CCSER1: variants seen among roughly 807,000 people sequenced by gnomAD.
CCSER1 encodes coiled-coil serine rich protein 1, also known as serine-rich coiled-coil domain-containing protein 1.
In CCSER1, 41 loss-of-function variants were observed where a neutral mutation model predicts 82.0. The observed-to-expected ratio is 0.50, with a 90% CI of 0.39 to 0.65. CCSER1 has a LOEUF of 0.65. CCSER1 is among the 30% of genes least tolerant of loss of function. The pLI is 0.00. For synonymous variants in CCSER1, 414 were observed against 383.9 expected, an observed-to-expected ratio of 1.08 and a Z score of -0.92; for missense variants, 1,119 against 1,064.2, an observed-to-expected ratio of 1.05 and a Z score of -0.72.
chr4:90,736,963 G>T (rs1422987196), intron 7 of CCSER1, among the ~76,000 whole-genome samples: 1 of 151,934 alleles, frequency 6.6e-6, no homozygotes, highest in Admixed American at 6.6e-5. Context: ...TGGATTGCAT[G>T]AACAAACAAA....
In CCSER1 at chr4:90,711,469, G is replaced by T. The variant is rs192888687; in HGVS notation, c.1933-12445G>T. On this transcript the variant is annotated intron_variant, in intron 6 of 10. Transcript: ENST00000509176. ...TTAGTATGATATTGGCTGTGGATTT[G>T]TCATATGTGGCTTTTATTATTTTGA... Among the ~76,000 whole-genome samples, 674 of 152,106 alleles carry T rather than the reference G, an allele frequency of 4.4e-3. 7 individuals are homozygous for T. Among genetic ancestry groups the T allele is most frequent in the African/African-American group, 0.015 (637 of 41,510 alleles).
rs140834763 is a variant in CCSER1 at position 91,217,031 on chromosome 4, C to T, written c.2217+131037C>T. On this transcript the variant is annotated intron_variant, in intron 10 of 10. Coordinates refer to ENST00000509176, the MANE Select transcript of CCSER1 (RefSeq NM_001145065.2). ...GTGAGTGTTACAGCTCTTAAGGTGG[C>T]GCGTCGCGAGTCTGTCCCTTCTGAT... 6.5e-3 allele frequency among the ~76,000 whole-genome samples: 983 copies of T among 152,084 alleles called. 46 individuals are homozygous for T. Among genetic ancestry groups the T allele is most frequent in the Admixed American group, 0.061 (930 of 15,278 alleles).
At chr4:90,552,975 A>ATT (rs745450293) in intron 5 of CCSER1, among the ~76,000 whole-genome samples, 21,488 of 143,506 alleles carry the variant, frequency 0.15, 2,089 homozygotes, top group East Asian at 0.43. Flanking sequence ...TAAATTAACC[A>ATT]TTTTTTTTTT....
intron 5 of CCSER1, among the ~76,000 whole-genome samples, chr4:90,549,489 T>A (rs1300246003): frequency 2.0e-5 from 3 of 151,976 alleles, no homozygotes; most frequent in African/African-American, 7.2e-5. Context: ...CATGGCACTG[T>A]TTAAATATGA....
chr4:90,320,948 T>A (rs1249164910), intron 3 of CCSER1, among the ~76,000 whole-genome samples: 1 of 152,110 alleles, frequency 6.6e-6, no homozygotes, highest in Non-Finnish European at 1.5e-5. Flanking sequence ...AATAGGTGGA[T>A]ATATTTATGG....
intron 9 of CCSER1, among the ~76,000 whole-genome samples, chr4:91,069,277 G>A (rs957332878): frequency 2.0e-5 from 3 of 152,030 alleles, no homozygotes; most frequent in Non-Finnish European, 4.4e-5. Context: ...TAATTTTCCT[G>A]AAAAAGAAAT....
chr4:91,493,471 TTTAAA>T (rs1758659436), intron 10 of CCSER1, among the ~76,000 whole-genome samples: 1 of 151,856 alleles, frequency 6.6e-6, no homozygotes, highest in Non-Finnish European at 1.5e-5. Flanking sequence ...AAAGTATTCT[TTTAAA>T]TGAAATATTT....
At chr4:91,548,524 T>C (rs1761999243) in intron 10 of CCSER1, among the ~76,000 whole-genome samples, 1 of 151,968 alleles carries the variant, frequency 6.6e-6, no homozygotes, top group Admixed American at 6.6e-5. Context: ...ATTTTAACAT[T>C]TTTTTGCTAG....
chr4:91,573,498 G>A (rs1455425630), intron 10 of CCSER1, among the ~76,000 whole-genome samples: 1 of 152,156 alleles, frequency 6.6e-6, no homozygotes, highest in Non-Finnish European at 1.5e-5. Flanking sequence ...GCATAGCTCT[G>A]TCAGATTGAA....
rs1224944855 is a variant in CCSER1, at chr4:91,605,216, A to C, written c.*6159A>C. The C allele has an allele frequency of 1.3e-5, 2 of 152,100 alleles. No individual in the cohort carries two copies. Among genetic ancestry groups the C allele is most frequent in the Non-Finnish European group, 2.9e-5 (2 of 67,954 alleles). 9.4% of individuals were successfully genotyped at this position (152,100 alleles called of 1,614,324 possible). On this transcript the variant is annotated 3_prime_UTR_variant, in exon 11 of 11. Coordinates refer to ENST00000509176, the MANE Select transcript of CCSER1 (RefSeq NM_001145065.2). Reference sequence around the variant, plus strand: ...ATTTCTCAATTTGGTTAATATTCTAAGAAAAGATTGATATATTTAAGCATG... The same window carrying C: ...ATTTCTCAATTTGGTTAATATTCTACGAAAAGATTGATATATTTAAGCATG...
At chr4:91,484,311 T>A (rs962164863) in intron 10 of CCSER1, among the ~76,000 whole-genome samples, 1 of 152,130 alleles carries the variant, frequency 6.6e-6, no homozygotes, top group Non-Finnish European at 1.5e-5. Flanking sequence ...TCTTTACATA[T>A]TCCATGTCAA....
intron 10 of CCSER1, among the ~76,000 whole-genome samples, chr4:91,414,814 AAAG>A (rs775116997): frequency 1.3e-5 from 2 of 152,012 alleles, no homozygotes; most frequent in African/African-American, 4.8e-5. Context: ...CATGAGAAAC[AAAG>A]AAGGTCATTA....
chr4:90,456,546 C>T (rs937177467), intron 4 of CCSER1, among the ~76,000 whole-genome samples: 2 of 152,074 alleles, frequency 1.3e-5, no homozygotes, highest in South Asian at 2.1e-4. Flanking sequence ...CCCTCATTTG[C>T]CCCAGGACCT....
At chr4:90,615,093 A>G (rs1321678508) in intron 5 of CCSER1, among the ~76,000 whole-genome samples, 1 of 152,216 alleles carries the variant, frequency 6.6e-6, no homozygotes, top group Non-Finnish European at 1.5e-5. Flanking sequence ...AACACATCTG[A>G]TTACAACATG....
At chr4:91,281,947 A>G (rs1742946022) in intron 10 of CCSER1, among the ~76,000 whole-genome samples, 1 of 152,152 alleles carries the variant, frequency 6.6e-6, no homozygotes, top group Non-Finnish European at 1.5e-5. Context: ...TTTAGTTTGT[A>G]TTTTGATATT....
rs545730624 is a variant in CCSER1 at position 91,263,156 on chromosome 4, C to T, written c.2217+177162C>T. Among the ~76,000 whole-genome samples the T allele has an allele frequency of 3.9e-5, 6 of 152,092 alleles. No individual in the cohort carries two copies. In the South Asian group the frequency reaches 8.3e-4, roughly 21 times the overall value. ...AATTTGCTGCTTGCTCAAGCATATC[C>T]TAGAAAAAAGCAATCAAAATAGCTA... On this transcript the variant is annotated intron_variant, in intron 10 of 10. Coordinates refer to ENST00000509176, the MANE Select transcript of CCSER1 (RefSeq NM_001145065.2).
intron 10 of CCSER1, among the ~76,000 whole-genome samples, chr4:91,163,084 C>T (rs1358534172): frequency 6.6e-6 from 1 of 152,134 alleles, no homozygotes; most frequent in East Asian, 1.9e-4. Context: ...TATAAATTTC[C>T]CTTTACACAC....
chr4:90,969,754 G>A (rs998234085), intron 9 of CCSER1, among the ~76,000 whole-genome samples: 2 of 151,864 alleles, frequency 1.3e-5, no homozygotes, highest in Admixed American at 6.6e-5. Context: ...ACTGGCAAAG[G>A]TAAATATATA....
rs554935065 is a variant in CCSER1, at chr4:91,035,050, G to A, written c.2173-50900G>A. Reference sequence around the variant, plus strand: ...GGTTTTTTAAATGTTTTCTATAAGTGTATAAGAAATATCAAGGTATACTAA... The same window carrying A: ...GGTTTTTTAAATGTTTTCTATAAGTATATAAGAAATATCAAGGTATACTAA... On this transcript the variant is annotated intron_variant, in intron 9 of 10. Transcript: ENST00000509176. 3.3e-5 allele frequency among the ~76,000 whole-genome samples: 5 copies of A among 152,166 alleles called. No individual in the cohort carries two copies. The South Asian group carries it at 1.0e-3, about 32-fold the overall frequency.
Sources: gnomAD v4.1 joint callset for allele counts (sites outside exome capture counted in the v4.1 genomes callset) on GRCh38, gnomAD v4.1.1 for gene constraint, MANE v1.5 for transcripts, NCBI Gene and HGNC (gene_info 2026-07-23, HGNC 2026-07-21) for gene names.